Variants in EXOC6B observed in about 807,000 individuals in gnomAD.
The protein encoded by EXOC6B is exocyst complex component 6B, also known as SEC15 homolog B.
In EXOC6B, 54 loss-of-function variants were observed where a neutral mutation model predicts 113.5. The observed-to-expected ratio is 0.48, with a 90% CI of 0.38 to 0.60. The LOEUF (loss-of-function observed/expected upper bound fraction) is 0.60. Among genes scored for constraint, EXOC6B ranks in the 20% least tolerant of loss-of-function variants. The pLI is 0.00. For synonymous variants in EXOC6B, 357 were observed against 339.0 expected (o/e 1.05, Z -0.58); for missense variants, 797 against 977.5 (o/e 0.82, Z 2.46).
chr2:72,543,657 T>G (rs1453443028), intron 8 of EXOC6B, among the ~76,000 whole-genome samples: 1 of 152,188 alleles, frequency 6.6e-6, no homozygotes, highest in African/African-American at 2.4e-5. Flanking sequence ...TCACAGCTAC[T>G]ACAAACCGGA....
chr2:72,665,140 G>A (rs758010045), intron 6 of EXOC6B, among the ~76,000 whole-genome samples: 2 of 152,166 alleles, frequency 1.3e-5, no homozygotes, highest in Non-Finnish European at 2.9e-5. Context: ...CTCTGACAAA[G>A]GGAGCACCAT....
chr2:72,781,179 A>G (rs944448612), intron 1 of EXOC6B, among the ~76,000 whole-genome samples: 2 of 152,076 alleles, frequency 1.3e-5, no homozygotes, highest in African/African-American at 4.8e-5. Flanking sequence ...TACTTTCCCA[A>G]TCTTACCCTA....
At chr2:72,377,289 T>C (rs1691416586) in intron 19 of EXOC6B, among the ~76,000 whole-genome samples, 2 of 152,178 alleles carry the variant, frequency 1.3e-5, no homozygotes, top group Admixed American at 6.6e-5. Flanking sequence ...AGAAACAGTA[T>C]GGGAATTCCT....
intron 1 of EXOC6B, among the ~76,000 whole-genome samples, chr2:72,768,011 G>C (rs1417935858): frequency 6.7e-6 from 1 of 149,106 alleles, no homozygotes; most frequent in African/African-American, 2.5e-5. Flanking sequence ...CAGCTACTCG[G>C]AAGGCTGAGG....
At chr2:72,364,859 T>C (rs997325636) in intron 19 of EXOC6B, among the ~76,000 whole-genome samples, 8 of 152,160 alleles carry the variant, frequency 5.3e-5, no homozygotes, top group African/African-American at 1.9e-4. Flanking sequence ...GTGGTATTGG[T>C]TGATTGCCTA....
At chr2:72,191,107 A>T (rs1247226731) in intron 20 of EXOC6B, among the ~76,000 whole-genome samples, 2 of 152,208 alleles carry the variant, frequency 1.3e-5, no homozygotes, top group Non-Finnish European at 2.9e-5. Context: ...TAAAATGGTA[A>T]ATTATGTGAT....
intron 7 of EXOC6B, among the ~76,000 whole-genome samples, chr2:72,570,524 T>G (rs913251903): frequency 6.6e-6 from 1 of 152,182 alleles, no homozygotes; most frequent in Non-Finnish European, 1.5e-5. Context: ...TCTAGAGAGA[T>G]AAATCTGACA....
intron 2 of EXOC6B, among the ~76,000 whole-genome samples, chr2:72,738,463 C>T (rs1368747027): frequency 6.6e-6 from 1 of 152,184 alleles, no homozygotes; most frequent in African/African-American, 2.4e-5. Flanking sequence ...TGGATTTCAA[C>T]TTATCATTTT....
intron 6 of EXOC6B, among the ~76,000 whole-genome samples, chr2:72,672,121 G>A (rs1387761571): frequency 6.8e-6 from 1 of 147,780 alleles, no homozygotes; most frequent in Non-Finnish European, 1.5e-5. Context: ...AGTCACTACA[G>A]AGAACTGTAT....
intron 17 of EXOC6B, among the ~76,000 whole-genome samples, chr2:72,476,879 T>A (rs1573213383): frequency 6.6e-6 from 1 of 152,218 alleles, no homozygotes; most frequent in Non-Finnish European, 1.5e-5. Flanking sequence ...TCTTTGCACA[T>A]GAAGTTAAAA....
At chr2:72,726,282 GTGA>G (rs772028227) in intron 5 of EXOC6B, among the ~76,000 whole-genome samples, 3 of 152,282 alleles carry the variant, frequency 2.0e-5, no homozygotes, top group Non-Finnish European at 4.4e-5. Flanking sequence ...GAATCAGCTA[GTGA>G]TGATGATGTT....
intron 18 of EXOC6B, among the ~76,000 whole-genome samples, chr2:72,459,294 C>G (rs1341863283): frequency 2.9e-4 from 42 of 144,550 alleles, no homozygotes; most frequent in South Asian, 1.1e-3. Context: ...AAAACTGGCA[C>G]AAGACAGGGA....
chr2:72,357,981 C>T (rs1375196879), intron 19 of EXOC6B, among the ~76,000 whole-genome samples: 1 of 152,100 alleles, frequency 6.6e-6, no homozygotes, highest in East Asian at 1.9e-4. Flanking sequence ...CCATTCATGT[C>T]ACTAAGCAAT....
intron 6 of EXOC6B, among the ~76,000 whole-genome samples, chr2:72,579,876 T>C (rs1011209531): frequency 1.3e-5 from 2 of 152,064 alleles, no homozygotes; most frequent in Non-Finnish European, 2.9e-5. Flanking sequence ...TAGGCTTCAA[T>C]AACAGGGGAG....
At chr2:72,385,970 A>T (rs1325009691) in intron 18 of EXOC6B, among the ~76,000 whole-genome samples, 1 of 152,180 alleles carries the variant, frequency 6.6e-6, no homozygotes, top group African/African-American at 2.4e-5. Context: ...CACAAAATTT[A>T]AAATAGTATT....
chr2:72,184,077 C>T lies in EXOC6B; in HGVS notation c.2307G>A (p.Glu769=), dbSNP rs1013534546. 2.6e-6 allele frequency: 4 copies of T among 1,541,434 alleles called. No individual in the cohort carries two copies. In the East Asian group the frequency reaches 7.2e-5, roughly 28 times the overall value. Residue 769 remains glutamate (E), a splice_region_variant and synonymous_variant, in exon 21 of 22, where the codon GAG becomes GAA. Transcript: ENST00000272427. The stretch of plus-strand genomic sequence containing the variant: ...AGACCATTGGACAAGGTACTCACTT[C>T]TCAAGCAGGGTCAGAGCAGTCACTG... ...VNPVTALTLL[E]KMKDTSRKNN...
chr2:72,317,844 G>T (rs1169315762), intron 20 of EXOC6B, among the ~76,000 whole-genome samples: 1 of 152,126 alleles, frequency 6.6e-6, no homozygotes, highest in Non-Finnish European at 1.5e-5. Context: ...AGTAGCTTAT[G>T]AGAGGGCCAT....
At position 72,252,190 on chromosome 2, in the gene EXOC6B, G is replaced by A. The variant is rs150672272; in HGVS notation, c.2197-68003C>T. On this transcript the variant is annotated intron_variant, in intron 20 of 21. Coordinates refer to ENST00000272427, the MANE Select transcript of EXOC6B (RefSeq NM_015189.3). ...AAGATGGGCATTGGAGCCATAGAAG[G>A]GGTTACAGCAACTTTTGGAAATTAT... 9.2e-5 allele frequency among the ~76,000 whole-genome samples: 14 copies of A among 152,244 alleles called. No individual in the cohort carries two copies. The East Asian group carries it at 2.3e-3, about 25-fold the overall frequency.
intron 20 of EXOC6B, among the ~76,000 whole-genome samples, chr2:72,318,970 A>G (rs544495374): frequency 6.6e-6 from 1 of 151,994 alleles, no homozygotes; most frequent in East Asian, 1.9e-4. Flanking sequence ...GCATGATTAT[A>G]CTTCCCGAAA....
Sources: allele counts gnomAD v4.1 joint callset (sites outside exome capture counted in the v4.1 genomes callset), GRCh38; gene constraint gnomAD v4.1.1; transcripts MANE v1.5; gene names NCBI Gene and HGNC (gene_info 2026-07-23, HGNC 2026-07-21).